The following PIK3C2G variants were observed in gnomAD, a reference collection of about 807,000 sequenced individuals.
PIK3C2G encodes phosphatidylinositol-4-phosphate 3-kinase catalytic subunit type 2 gamma.
In PIK3C2G, 168 loss-of-function variants were observed where a neutral mutation model predicts 181.1. The observed-to-expected ratio is 0.93, with a 90% CI of 0.82 to 1.05. PIK3C2G has a LOEUF of 1.05. Among genes scored for constraint, PIK3C2G ranks in the 50% least tolerant of loss-of-function variants. The pLI, the probability that PIK3C2G is intolerant of heterozygous loss-of-function variation, is 0.00. For synonymous variants in PIK3C2G, 573 were observed against 592.2 expected, an observed-to-expected ratio of 0.97 and a Z score of 0.47; for missense variants, 1,869 against 1,732.8, an observed-to-expected ratio of 1.08 and a Z score of -1.40.
rs575766758 is a variant in PIK3C2G, at chr12:18,298,955, T to C, written c.1034+4940T>C. 2.0e-5 allele frequency among the ~76,000 whole-genome samples: 3 copies of C among 152,104 alleles called. No homozygotes were observed. In the East Asian group the frequency reaches 5.8e-4, roughly 29 times the overall value. On this transcript the variant is annotated intron_variant, in intron 5 of 32. Transcript: ENST00000538779. Reference sequence around the variant, plus strand: ...CATTTTGCTTTGGTTACGATAACTTTGTAATGTATTTTGAAGGCAAGTAGT... The same window carrying C: ...CATTTTGCTTTGGTTACGATAACTTCGTAATGTATTTTGAAGGCAAGTAGT...
intron 30 of PIK3C2G, among the ~76,000 whole-genome samples, chr12:18,600,306 TGAA>T (rs1455403081): frequency 3.3e-5 from 5 of 151,946 alleles, no homozygotes; most frequent in Non-Finnish European, 4.4e-5. Flanking sequence ...AAAAATCTTT[TGAA>T]GAACTGTTGG....
intron 24 of PIK3C2G, among the ~76,000 whole-genome samples, chr12:18,532,907 G>A (rs1286847149): frequency 7.6e-6 from 1 of 130,834 alleles, no homozygotes; most frequent in African/African-American, 2.9e-5. Context: ...TTTTTCAGCT[G>A]CCCCTTTAAA....
intron 9 of PIK3C2G, among the ~76,000 whole-genome samples, chr12:18,343,078 G>A (rs12297521): frequency 0.046 from 6,993 of 152,030 alleles, 551 homozygotes; most frequent in African/African-American, 0.16. Flanking sequence ...TAGACAATCT[G>A]TTGTGGTAAT....
At chr12:18,408,623 A>C (rs2135606318) in intron 16 of PIK3C2G, among the ~76,000 whole-genome samples, 1 of 152,332 alleles carries the variant, frequency 6.6e-6, no homozygotes, top group African/African-American at 2.4e-5. Context: ...GTGAAAAAGC[A>C]ACCTACAGAA....
chr12:18,625,473 C>T (rs1396210228), intron 31 of PIK3C2G, among the ~76,000 whole-genome samples: 4 of 151,726 alleles, frequency 2.6e-5, no homozygotes. Context: ...TCTGTGTGTG[C>T]TTAAGAGAAA....
At chr12:18,326,763 C>G (rs1421186288) in intron 8 of PIK3C2G, among the ~76,000 whole-genome samples, 1 of 152,126 alleles carries the variant, frequency 6.6e-6, no homozygotes, top group Non-Finnish European at 1.5e-5. Context: ...GAATGTGAAA[C>G]TTACCAGGTT....
chr12:18,546,403 A>G lies in PIK3C2G; in HGVS notation c.3561A>G (p.Thr1187=). The part of the protein sequence containing the change: ...YVYNNLRPQD[T]DLEATSHFTK... The stretch of plus-strand genomic sequence containing the variant: ...ATAATAATCTTCGTCCACAAGACAC[A>G]GACCTGGAAGCAACAAGTCATTTTA... Residue 1187 remains threonine (T), a synonymous_variant, in exon 26 of 33, where the codon ACA becomes ACG. Transcript: ENST00000538779. 3 of 1,596,882 alleles carry G rather than the reference A, an allele frequency of 1.9e-6. No homozygotes were observed. The highest frequency in any genetic ancestry group is 2.6e-6 in the Non-Finnish European group (3 of 1,169,528).
chr12:18,292,228 A>ATATATATATATG (rs1491317139), intron 4 of PIK3C2G, among the ~76,000 whole-genome samples: 3 of 28,628 alleles, frequency 1.0e-4, no homozygotes, highest in Non-Finnish European at 2.2e-4. Flanking sequence ...AAAAAAAAAA[A>ATATATATATATG]TATATATATA....
intron 16 of PIK3C2G, among the ~76,000 whole-genome samples, chr12:18,409,982 A>T (rs1944765369): frequency 6.6e-6 from 1 of 152,090 alleles, no homozygotes; most frequent in African/African-American, 2.4e-5. Context: ...CTCTATCACT[A>T]GAACAGCACT....
At chr12:18,705,049 C>T in the PIK3C2G span, 16 of 1,275,138 alleles carry the variant, frequency 1.3e-5, no homozygotes, top group Admixed American at 1.7e-5. Flanking sequence ...AACCTCTATA[C>T]GTGATCAAAA....
intron 29 of PIK3C2G, among the ~76,000 whole-genome samples, chr12:18,593,779 C>T (rs1350390212): frequency 6.6e-6 from 1 of 151,780 alleles, no homozygotes; most frequent in Non-Finnish European, 1.5e-5. Context: ...GAGAAGCATG[C>T]ATCTCTGTAC....
Position 18,338,479 on chromosome 12 carries a change from G to A in PIK3C2G, c.1326G>A (p.Gly442=), listed in dbSNP as rs1343329886. The change falls in exon 9 of 33, where the codon GGG becomes GGA. Residue 442 remains glycine (G), a synonymous_variant. Coordinates refer to ENST00000538779, the MANE Select transcript of PIK3C2G (RefSeq NM_001288772.2). ...TTAAAAAAATATGCAGTGTTCTAGGGTGTGTGGAAACCAAACAAATTACAG... is the reference window on the plus strand; with the variant it reads ...TTAAAAAAATATGCAGTGTTCTAGGATGTGTGGAAACCAAACAAATTACAG... ...EEVKKICSVL[G]CVETKQITDA... is the part of the protein sequence containing the mutation. 3.8e-6 allele frequency: 6 copies of A among 1,582,250 alleles called. No individual in the cohort carries two copies. In the East Asian group the frequency reaches 1.3e-4, roughly 35 times the overall value.
chr12:18,440,979 A>T lies in PIK3C2G; in HGVS notation c.2504+16940A>T, dbSNP rs573349517. Among the ~76,000 whole-genome samples, 8 of 152,292 alleles carry T rather than the reference A, an allele frequency of 5.3e-5. No homozygotes were observed. The South Asian group carries it at 8.3e-4, about 16-fold the overall frequency. ...GAGAAGGTCATAGGAGAATGAATAC[A>T]AATAGAAAGGAAAAGAAGTCCAAAT... On this transcript the variant is annotated intron_variant, in intron 18 of 32. Coordinates refer to ENST00000538779, the MANE Select transcript of PIK3C2G (RefSeq NM_001288772.2).
intron 18 of PIK3C2G, among the ~76,000 whole-genome samples, chr12:18,487,096 T>G (rs949091449): frequency 1.4e-5 from 2 of 142,200 alleles, no homozygotes; most frequent in Admixed American, 7.0e-5. Context: ...TTGAGGTATT[T>G]TGTGTGTGTG....
At chr12:18,445,595 G>A (rs1332136484) in intron 18 of PIK3C2G, among the ~76,000 whole-genome samples, 3 of 152,002 alleles carry the variant, frequency 2.0e-5, no homozygotes, top group African/African-American at 7.2e-5. Context: ...GCTAATTACA[G>A]ATCTACTAAG....
At chr12:18,258,195 A>G (rs1948167959), upstream of PIK3C2G, among the ~76,000 whole-genome samples, 1 of 152,174 alleles carries the variant, frequency 6.6e-6, no homozygotes, top group Non-Finnish European at 1.5e-5. Flanking sequence ...GTATATATTT[A>G]TGGTGTACAA....
intron 13 of PIK3C2G, among the ~76,000 whole-genome samples, chr12:18,374,963 G>C (rs1942332901): frequency 6.6e-6 from 1 of 152,142 alleles, no homozygotes; most frequent in African/African-American, 2.4e-5. Context: ...GTAAAGCCTG[G>C]AAAACTGTGA....
intron 4 of PIK3C2G, 28 bp from the exon 5 acceptor site, chr12:18,293,873 G>T: frequency 9.0e-7 from 1 of 1,113,800 alleles, no homozygotes; most frequent in South Asian, 1.3e-5. Flanking sequence ...CACTTTTATT[G>T]ACTTTTATTA....
chr12:18,674,850 A>G, the PIK3C2G span, among the ~76,000 whole-genome samples: 3 of 152,156 alleles, frequency 2.0e-5, no homozygotes, highest in Non-Finnish European at 4.4e-5. Context: ...TTGTCCGCTT[A>G]GAACACTTCC....
Sources: gnomAD v4.1 joint callset for allele counts (sites outside exome capture counted in the v4.1 genomes callset) on GRCh38, gnomAD v4.1.1 for gene constraint, MANE v1.5 for transcripts, NCBI Gene and HGNC (gene_info 2026-07-23, HGNC 2026-07-21) for gene names.